Variants in CFTR observed in about 807,000 individuals in gnomAD.
The protein encoded by CFTR is CF transmembrane conductance regulator, also known as cystic fibrosis transmembrane conductance regulator.
In CFTR, 181 loss-of-function variants were observed where a neutral mutation model predicts 171.6. That is an observed-to-expected ratio of 1.05 (90% confidence interval 0.93 to 1.19). The LOEUF (loss-of-function observed/expected upper bound fraction) is 1.19, where lower values mean the gene tolerates loss of function less well. CFTR is among the 50% of genes most tolerant of loss of function. The probability of loss-of-function intolerance (pLI) is 0.00; values close to 1 mark genes in which losing one functional copy is unlikely to be tolerated. For synonymous variants in CFTR, 583 were observed against 608.0 expected, an observed-to-expected ratio of 0.96 and a Z score of 0.60; for missense variants, 1,968 against 1,734.7, an observed-to-expected ratio of 1.13 and a Z score of -2.39.
At chr7:117,613,284 T>C (rs1218487179) in intron 20 of CFTR, among the ~76,000 whole-genome samples, 2 of 152,184 alleles carry the variant, frequency 1.3e-5, no homozygotes, top group Admixed American at 6.5e-5. Flanking sequence ...CTTGATTTAT[T>C]AGGGGCAATA....
chr7:117,488,634 C>A (rs1362920770), intron 1 of CFTR, among the ~76,000 whole-genome samples: 1 of 151,944 alleles, frequency 6.6e-6, no homozygotes, highest in Non-Finnish European at 1.5e-5. Flanking sequence ...AAAAACAATA[C>A]TGTAATCAAT....
rs762847468 is a variant in CFTR at position 117,666,942 on chromosome 7, C to T, written c.4277C>T (p.Ser1426Phe). 1.9e-5 allele frequency: 30 copies of T among 1,613,908 alleles called. No homozygotes were observed. The East Asian group carries it at 2.9e-4, about 16-fold the overall frequency. The change falls in exon 27 of 27, where the codon TCC becomes TTC. Residue 1426 changes from serine (S) to phenylalanine (F), a missense_variant. Ser to Phe is a radical substitution (Grantham distance 155). Coordinates refer to ENST00000003084, the MANE Select transcript of CFTR (RefSeq NM_000492.4). ...IEENKVRQYD[S>F]IQKLLNERSL... is the part of the protein sequence containing the mutation. ...GAGAACAAAGTGCGGCAGTACGATTCCATCCAGAAACTGCTGAACGAGAGG... is the reference window on the plus strand; with the variant it reads ...GAGAACAAAGTGCGGCAGTACGATTTCATCCAGAAACTGCTGAACGAGAGG...
intron 3 of CFTR, among the ~76,000 whole-genome samples, chr7:117,517,753 C>T (rs191460194): frequency 6.6e-6 from 1 of 152,300 alleles, no homozygotes; most frequent in East Asian, 1.9e-4. Flanking sequence ...ACCATTCTAA[C>T]TGGTGTGAGA....
intron 1 of CFTR, among the ~76,000 whole-genome samples, chr7:117,501,776 C>CAAAAA (rs796991857): frequency 1.2e-5 from 1 of 84,336 alleles, no homozygotes; most frequent in Non-Finnish European, 2.7e-5. Flanking sequence ...AAAAAAGAAA[C>CAAAAA]AAAAAAAAAA....
At position 117,536,657 on chromosome 7, in the gene CFTR, A is replaced by T. The variant is rs151073129; in HGVS notation, c.853A>T (p.Ile285Phe). ...CTGGGAAGAAGCAATGGAAAAAATG[A>T]TTGAAAACTTAAGACAGTAAGTTGT... is the stretch of plus-strand genomic sequence containing the variant. ...YCWEEAMEKM[I>F]ENLRQTELKL... Residue 285 changes from isoleucine to phenylalanine, a missense_variant, in exon 7 of 27, where the codon ATT (isoleucine) becomes TTT (phenylalanine). Ile to Phe is a conservative substitution (Grantham distance 21, BLOSUM62 0). Coordinates refer to ENST00000003084, the MANE Select transcript of CFTR (RefSeq NM_000492.4). 354 of 1,611,602 alleles carry T rather than the reference A, an allele frequency of 2.2e-4. 1 individual carries two copies. The African/African-American group carries it at 4.4e-3, about 20-fold the overall frequency.
intron 1 of CFTR, among the ~76,000 whole-genome samples, chr7:117,488,495 CTG>C (rs1562878374): frequency 6.6e-6 from 1 of 152,056 alleles, no homozygotes; most frequent in Non-Finnish European, 1.5e-5. Flanking sequence ...TTATAAGTCT[CTG>C]TTGACCATTT....
At chr7:117,597,365 A>G (rs1792147702) in intron 15 of CFTR, among the ~76,000 whole-genome samples, 3 of 152,336 alleles carry the variant, frequency 2.0e-5, no homozygotes, top group South Asian at 4.1e-4. Flanking sequence ...AGTGAGACCA[A>G]GAACCCACCA....
chr7:117,664,001 C>A (rs904809929), intron 24 of CFTR, among the ~76,000 whole-genome samples: 6 of 152,036 alleles, frequency 3.9e-5, no homozygotes, highest in Non-Finnish European at 5.9e-5. Context: ...TATTCTACCC[C>A]AATATCTAAG....
At position 117,627,726 on chromosome 7, in the gene CFTR, G is replaced by A; in HGVS notation, c.3673G>A (p.Ala1225Thr). ...LTAKYTEGGN[A>T]ILENISFSIS... ...AGCAAAATACACAGAAGGTGGAAAT[G>A]CCATATTAGAGAACATTTCCTTCTC... is the stretch of plus-strand genomic sequence containing the variant. The change falls in exon 22 of 27, where the codon GCC (alanine) becomes ACC (threonine). Residue 1225 changes from alanine (A) to threonine (T), a missense_variant. Coordinates refer to ENST00000003084, the MANE Select transcript of CFTR (RefSeq NM_000492.4). The A allele has an allele frequency of 6.2e-7, 1 of 1,613,078 alleles. No homozygotes were observed. Among genetic ancestry groups the A allele is most frequent in the Non-Finnish European group, 8.5e-7 (1 of 1,179,450 alleles).
intron 12 of CFTR, 138 bp from the exon 13 acceptor site, chr7:117,590,215 T>A: frequency 1.0e-6 from 1 of 974,064 alleles, no homozygotes; most frequent in Middle Eastern, 2.8e-4. Context: ...GCACCACTTT[T>A]GAGAATAGTG....
intron 24 of CFTR, among the ~76,000 whole-genome samples, chr7:117,654,338 A>T (rs528936350): frequency 7.2e-5 from 11 of 152,272 alleles, no homozygotes; most frequent in East Asian, 3.9e-4. Context: ...GGAGGCAGCC[A>T]TCCCCCTACA....
intron 1 of CFTR, among the ~76,000 whole-genome samples, chr7:117,484,356 C>G (rs1390369876): frequency 6.6e-6 from 1 of 152,204 alleles, no homozygotes; most frequent in Non-Finnish European, 1.5e-5. Flanking sequence ...TCCATTTAGT[C>G]AGTCCATGGG....
chr7:117,504,278 G>A lies in CFTR; in HGVS notation c.79G>A (p.Gly27Arg), dbSNP rs397508796. The change falls in exon 2 of 27, where the codon GGA becomes AGA. Residue 27 changes from glycine to arginine, a missense_variant. Coordinates refer to ENST00000003084, the MANE Select transcript of CFTR (RefSeq NM_000492.4). ...CTGGACCAGACCAATTTTGAGGAAA[G>A]GATACAGACAGCGCCTGGAATTGTC... ...FSWTRPILRK[G>R]YRQRLELSDI... The A allele has an allele frequency of 6.2e-7, 1 of 1,610,782 alleles. No individual in the cohort carries two copies. Among genetic ancestry groups the A allele is most frequent in the Non-Finnish European group, 8.5e-7 (1 of 1,177,096 alleles).
intron 1 of CFTR, among the ~76,000 whole-genome samples, chr7:117,494,124 T>C (rs1447083900): frequency 6.6e-6 from 1 of 152,138 alleles, no homozygotes; most frequent in Non-Finnish European, 1.5e-5. Context: ...GTTTCAGTAT[T>C]ATCCTTGGAG....
intron 1 of CFTR, among the ~76,000 whole-genome samples, chr7:117,501,747 CAAAAAAAAAA>C (rs1212853305): frequency 1.6e-4 from 7 of 43,902 alleles, no homozygotes; most frequent in Non-Finnish European, 2.9e-4. Flanking sequence ...AACTCTGTCT[CAAAAAAAAAA>C]AAAAAAAAAA....
chr7:117,485,551 T>C (rs1798061803), intron 1 of CFTR, among the ~76,000 whole-genome samples: 1 of 152,202 alleles, frequency 6.6e-6, no homozygotes, highest in African/African-American at 2.4e-5. Flanking sequence ...AAATTAGCAT[T>C]ACAGAGTGGC....
intron 3 of CFTR, among the ~76,000 whole-genome samples, chr7:117,525,512 A>G (rs1312436555): frequency 1.1e-5 from 1 of 90,562 alleles, no homozygotes; most frequent in African/African-American, 4.5e-5. Flanking sequence ...AATGTGTGGG[A>G]GTCTAAGTCT....
chr7:117,586,190 T>C (rs1791930343), intron 11 of CFTR: 1 of 152,148 alleles, frequency 6.6e-6, no homozygotes, highest in African/African-American at 2.4e-5. Flanking sequence ...CCTAGGTATG[T>C]GGTCCAGTTC....
Position 117,548,748 on chromosome 7 carries a change from T to G in CFTR, c.1317T>G (p.Pro439=), listed in dbSNP as rs1562895052. 1.2e-6 allele frequency: 2 copies of G among 1,613,078 alleles called. No homozygotes were observed. Among genetic ancestry groups the G allele is most frequent in the African/African-American group, 1.3e-5 (1 of 75,038 alleles). The change falls in exon 10 of 27, where the codon CCT becomes CCG. Residue 439 remains proline, a synonymous_variant. Coordinates refer to ENST00000003084, the MANE Select transcript of CFTR (RefSeq NM_000492.4). The part of the protein sequence containing the change: ...FFSNFSLLGT[P]VLKDINFKIE... The stretch of plus-strand genomic sequence containing the variant: ...GTAATTTCTCACTTCTTGGTACTCC[T>G]GTCCTGAAAGATATTAATTTCAAGA...
Sources: allele counts gnomAD v4.1 joint callset (sites outside exome capture counted in the v4.1 genomes callset), GRCh38; gene constraint gnomAD v4.1.1; transcripts MANE v1.5; gene names NCBI Gene and HGNC (gene_info 2026-07-23, HGNC 2026-07-21).